SMIM18: variants seen among roughly 807,000 people sequenced by gnomAD.
SMIM18 encodes the protein small integral membrane protein 18.
Under a neutral mutation model 5.9 loss-of-function variants are expected in SMIM18, and 4 were observed. The ratio of observed to expected loss-of-function variants is 0.68; its 90% CI spans 0.33 to 1.56. The LOEUF (loss-of-function observed/expected upper bound fraction) is 1.56, where lower values mean the gene tolerates loss of function less well. SMIM18 is among the 40% of genes most tolerant of loss of function. The pLI, the probability that SMIM18 is intolerant of heterozygous loss-of-function variation, is 0.06. For synonymous variants in SMIM18, 37 were observed against 37.4 expected, an observed-to-expected ratio of 0.99 and a Z score of 0.04; for missense variants, 89 against 109.7, an observed-to-expected ratio of 0.81 and a Z score of 0.84.
At chr8:30,641,160 A>C (rs1256379605) in intron 1 of SMIM18, among the ~76,000 whole-genome samples, 1 of 152,174 alleles carries the variant, frequency 6.6e-6, no homozygotes, top group Non-Finnish European at 1.5e-5. Flanking sequence ...TACTTTTTTC[A>C]GATATGCCCA....
intron 1 of SMIM18, among the ~76,000 whole-genome samples, chr8:30,639,635 T>A (rs1425554097): frequency 1.3e-5 from 2 of 152,202 alleles, no homozygotes; most frequent in African/African-American, 4.8e-5. Context: ...TCTAATTTTA[T>A]ACTATTCAAG....
chr8:30,645,764 A>G lies in SMIM18; in HGVS notation c.*167A>G. The G allele has an allele frequency of 1.6e-6, 1 of 626,548 alleles. No homozygotes were observed. The highest frequency in any genetic ancestry group is 2.7e-6 in the Non-Finnish European group (1 of 371,818). 38.8% of individuals were successfully genotyped at this position (626,548 alleles called of 1,614,324 possible). A position where few individuals can be genotyped will look rare whatever the true frequency, so the allele number is the denominator to read the frequency against. Reference sequence around the variant, plus strand: ...TTAAACATGCACTGTTTGTGTGTATAGCCATTTCATTAAATATACAGTAAA... The same window carrying G: ...TTAAACATGCACTGTTTGTGTGTATGGCCATTTCATTAAATATACAGTAAA... On this transcript the variant is annotated 3_prime_UTR_variant, in exon 3 of 3. Transcript: ENST00000517349.
In SMIM18 at chr8:30,644,476, A is replaced by T. The variant is rs1801987578; in HGVS notation, c.-110-16A>T. On this transcript the variant is annotated splice_polypyrimidine_tract_variant and intron_variant, in intron 1 of 2. Transcript: ENST00000517349. ...TGGCATTATTTGGTTTTCTTTCTCT[A>T]CTATTTTTCACTCAGCCACTATTTC... The T allele has an allele frequency of 1.3e-5, 2 of 152,132 alleles. No homozygotes were observed. Among genetic ancestry groups the T allele is most frequent in the Non-Finnish European group, 1.5e-5 (1 of 68,026 alleles). 9.4% of individuals were successfully genotyped at this position (152,132 alleles called of 1,614,324 possible). A position where few individuals can be genotyped will look rare whatever the true frequency, so the allele number is the denominator to read the frequency against.
At chr8:30,642,195 C>T (rs1801860779) in intron 1 of SMIM18, among the ~76,000 whole-genome samples, 1 of 149,804 alleles carries the variant, frequency 6.7e-6, no homozygotes, top group Non-Finnish European at 1.5e-5. Flanking sequence ...TTTTGTATTA[C>T]AGTGCATTAA....
rs1362450590 is a variant in SMIM18, at chr8:30,643,291, A to C, written c.-110-1201A>C. Among the ~76,000 whole-genome samples, 3 of 152,200 alleles carry C rather than the reference A, an allele frequency of 2.0e-5. No homozygotes were observed. The East Asian group carries it at 5.8e-4, about 29-fold the overall frequency. ...TGAACGATGCCTTGAATTTGCTTTA[A>C]AACAACCAATGGGGTGGAAGCAAAC... On this transcript the variant is annotated intron_variant, in intron 1 of 2. Transcript: ENST00000517349.
intron 1 of SMIM18, among the ~76,000 whole-genome samples, chr8:30,644,284 A>G (rs1189365241): frequency 6.6e-6 from 1 of 152,226 alleles, no homozygotes; most frequent in East Asian, 1.9e-4. Context: ...AAATGGAATA[A>G]TAACTGATAC....
chr8:30,642,217 T>C (rs1219124964), intron 1 of SMIM18, among the ~76,000 whole-genome samples: 2 of 151,614 alleles, frequency 1.3e-5, no homozygotes, highest in Non-Finnish European at 2.9e-5. Context: ...TAAGTCAATA[T>C]TGACAGCTGA....
At chr8:30,639,630 T>G (rs1801740026) in intron 1 of SMIM18, among the ~76,000 whole-genome samples, 1 of 152,194 alleles carries the variant, frequency 6.6e-6, no homozygotes. Flanking sequence ...AAATTTCTAA[T>G]TTTATACTAT....
rs181647944 is a variant in SMIM18, at chr8:30,645,751, T to A, written c.*154T>A. ...GGGGAAAAAAAAGTTAAACATGCACTGTTTGTGTGTATAGCCATTTCATTA... is the reference window on the plus strand; with the variant it reads ...GGGGAAAAAAAAGTTAAACATGCACAGTTTGTGTGTATAGCCATTTCATTA... On this transcript the variant is annotated 3_prime_UTR_variant, in exon 3 of 3. Transcript: ENST00000517349. The A allele has an allele frequency of 1.5e-6, 1 of 688,692 alleles. No individual in the cohort carries two copies. Among genetic ancestry groups the A allele is most frequent in the South Asian group, 2.0e-5 (1 of 49,110 alleles). 42.7% of individuals were successfully genotyped at this position (688,692 alleles called of 1,614,324 possible).
chr8:30,640,368 C>A (rs920338775), intron 1 of SMIM18, among the ~76,000 whole-genome samples: 1 of 152,150 alleles, frequency 6.6e-6, no homozygotes, highest in Admixed American at 6.6e-5. Flanking sequence ...TAACACTGCA[C>A]TGGGGCCTTT....
intron 1 of SMIM18, among the ~76,000 whole-genome samples, chr8:30,641,488 A>C (rs898848160): frequency 2.0e-5 from 3 of 152,094 alleles, no homozygotes; most frequent in Non-Finnish European, 4.4e-5. Context: ...TGAGCCTCCC[A>C]AGTAGCCGAG....
chr8:30,641,562 A>G (rs1217326634), intron 1 of SMIM18, among the ~76,000 whole-genome samples: 2 of 151,954 alleles, frequency 1.3e-5, no homozygotes, highest in African/African-American at 2.4e-5. Context: ...GCCTCCCCAC[A>G]TTGCCCAGGC....
chr8:30,644,875 C>G (rs1006591774), intron 2 of SMIM18, among the ~76,000 whole-genome samples: 8 of 151,978 alleles, frequency 5.3e-5, no homozygotes, highest in Non-Finnish European at 4.4e-5. Context: ...CTTAGCCTCC[C>G]AAGCAGCTGG....
rs1459684564 is a variant in SMIM18 at position 30,645,520 on chromosome 8, A to G, written c.211A>G (p.Lys71Glu). The change falls in exon 3 of 3, where the codon AAA (lysine) becomes GAA (glutamate). Residue 71 changes from lysine (K) to glutamate (E), a missense_variant. Lys to Glu is a moderately conservative substitution (Grantham distance 56). Coordinates refer to ENST00000517349, the MANE Select transcript of SMIM18 (RefSeq NM_001206847.2). ...CTGCTGTGTAAAAAACAAAACCGTG[A>G]AAGACTTGAAAAGTGAACCCAACCC... ...CCCCVKNKTVKDLKSEPNPLR... is the reference protein window; with the variant it reads ...CCCCVKNKTVEDLKSEPNPLR... The G allele has an allele frequency of 4.6e-6, 7 of 1,535,588 alleles. No homozygotes were observed. The African/African-American group carries it at 6.8e-5, about 15-fold the overall frequency.
Position 30,645,841 on chromosome 8 carries a change from T to C in SMIM18, c.*244T>C. 1 of 391,332 alleles carries C rather than the reference T, an allele frequency of 2.6e-6. No homozygotes were observed. Among genetic ancestry groups the C allele is most frequent in the Non-Finnish European group, 4.5e-6 (1 of 219,806 alleles). 24.2% of individuals were successfully genotyped at this position (391,332 alleles called of 1,614,324 possible). A position where few individuals can be genotyped will look rare whatever the true frequency, so the allele number is the denominator to read the frequency against. On this transcript the variant is annotated 3_prime_UTR_variant, in exon 3 of 3. Coordinates refer to ENST00000517349, the MANE Select transcript of SMIM18 (RefSeq NM_001206847.2). ...TGTTTAATACTGACACTTCAAAAAC[T>C]GGATAAAAGATTCCTAGAGTTCAAT...
rs1802039043 is a variant in SMIM18 at position 30,645,541 on chromosome 8, A to C, written c.232A>C (p.Asn78His). The C allele has an allele frequency of 6.5e-7, 1 of 1,535,702 alleles. No homozygotes were observed. The highest frequency in any genetic ancestry group is 1.4e-5 in the African/African-American group (1 of 73,178). ...CGTGAAAGACTTGAAAAGTGAACCC[A>C]ACCCTCTTAGAAGTATGATGGACAA... is the stretch of plus-strand genomic sequence containing the variant. ...KTVKDLKSEP[N>H]PLRSMMDNIR... The change falls in exon 3 of 3, where the codon AAC (asparagine) becomes CAC (histidine). Residue 78 changes from asparagine to histidine, a missense_variant. Asn to His is a moderately conservative substitution (Grantham distance 68). Transcript: ENST00000517349.
In SMIM18 at chr8:30,645,366, T is replaced by G; in HGVS notation, c.57T>G (p.Phe19Leu). ...TTTSVYQYLGFQVQKIYPFHD... is the reference protein window; with the variant it reads ...TTTSVYQYLGLQVQKIYPFHD... The stretch of plus-strand genomic sequence containing the variant: ...CCTCTGTTTATCAGTACCTTGGTTT[T>G]CAAGTTCAAAAAATTTACCCTTTCC... The change falls in exon 3 of 3, where the codon TTT (phenylalanine) becomes TTG (leucine). Residue 19 changes from phenylalanine to leucine, a missense_variant. By Grantham distance (22) the Phe-to-Leu change is conservative. Coordinates refer to ENST00000517349, the MANE Select transcript of SMIM18 (RefSeq NM_001206847.2). 6.5e-7 allele frequency: 1 copy of G among 1,535,716 alleles called. No individual in the cohort carries two copies. Among genetic ancestry groups the G allele is most frequent in the Non-Finnish European group, 8.7e-7 (1 of 1,146,896 alleles).
rs1351822284 is a variant in SMIM18 at position 30,645,640 on chromosome 8, C to A, written c.*43C>A. On this transcript the variant is annotated 3_prime_UTR_variant, in exon 3 of 3. Coordinates refer to ENST00000517349, the MANE Select transcript of SMIM18 (RefSeq NM_001206847.2). ...ACAAAATCTCTGAAAGCAGCTCAACCTCTTCTGAGAAAAAAAATATATTCT... is the reference window on the plus strand; with the variant it reads ...ACAAAATCTCTGAAAGCAGCTCAACATCTTCTGAGAAAAAAAATATATTCT... The A allele has an allele frequency of 1.3e-6, 2 of 1,484,124 alleles. No individual in the cohort carries two copies. The highest frequency in any genetic ancestry group is 2.5e-5 in the East Asian group (1 of 40,408). The allele number at this position is 1,484,124 out of a possible 1,614,324, so 91.9% of individuals were successfully genotyped here.
chr8:30,641,589 G>A (rs1157222545), intron 1 of SMIM18, among the ~76,000 whole-genome samples: 1 of 152,014 alleles, frequency 6.6e-6, no homozygotes, highest in Non-Finnish European at 1.5e-5. Flanking sequence ...CAAACTCCTG[G>A]GCTTGGCCAG....
Sources: gnomAD v4.1 joint callset for allele counts (sites outside exome capture counted in the v4.1 genomes callset) on GRCh38, gnomAD v4.1.1 for gene constraint, MANE v1.5 for transcripts, NCBI Gene and HGNC (gene_info 2026-07-23, HGNC 2026-07-21) for gene names.